The following GABRA4 variants were observed in gnomAD, a reference collection of about 807,000 sequenced individuals.
GABRA4 encodes the protein gamma-aminobutyric acid receptor subunit alpha-4.
GABRA4 carries 12 observed loss-of-function variants against 49.7 expected under a neutral mutation model. The observed-to-expected ratio is 0.24, with a 90% CI of 0.15 to 0.39. GABRA4 has a LOEUF of 0.39. Among genes scored for constraint, GABRA4 ranks in the 10% least tolerant of loss-of-function variants. The pLI, the probability that GABRA4 is intolerant of heterozygous loss-of-function variation, is 1.00. For synonymous variants in GABRA4, 288 were observed against 240.2 expected (o/e 1.20, Z -1.84); for missense variants, 506 against 686.0 (o/e 0.74, Z 2.93).
intron 5 of GABRA4, among the ~76,000 whole-genome samples, chr4:46,975,825 T>A (rs1723122690): frequency 2.0e-5 from 3 of 152,084 alleles, no homozygotes; most frequent in Admixed American, 2.0e-4. Context: ...CCCAATGAGA[T>A]CACCCTGTCT....
chr4:46,933,726 G>A (rs938346459), intron 8 of GABRA4, among the ~76,000 whole-genome samples: 3 of 152,144 alleles, frequency 2.0e-5, no homozygotes, highest in African/African-American at 4.8e-5. Context: ...GTTGTGTTTC[G>A]TACAGAGTGT....
At chr4:46,992,595 G>A (rs1723796440) in intron 2 of GABRA4, 2 of 535,752 alleles carry the variant, frequency 3.7e-6, no homozygotes, top group South Asian at 5.3e-5. Flanking sequence ...TCAGGTCCCG[G>A]GAGGTAATTA....
intron 8 of GABRA4, among the ~76,000 whole-genome samples, chr4:46,949,789 A>G (rs2109356363): frequency 6.6e-6 from 1 of 152,266 alleles, no homozygotes; most frequent in South Asian, 2.1e-4. Context: ...TTCATAAGAA[A>G]CACTGTGGGA....
intron 8 of GABRA4, among the ~76,000 whole-genome samples, chr4:46,956,146 AT>A: frequency 6.6e-6 from 1 of 152,120 alleles, no homozygotes; most frequent in South Asian, 2.1e-4. Flanking sequence ...CCTAAAGAGC[AT>A]TACTAATTAC....
intron 5 of GABRA4, 27 bp downstream of exon 5, chr4:46,977,034 T>A (rs543747724): frequency 3.5e-6 from 5 of 1,409,328 alleles, no homozygotes; most frequent in Admixed American, 1.7e-5. Flanking sequence ...AATCATAAAT[T>A]CTAGCAAAAT....
intron 3 of GABRA4, among the ~76,000 whole-genome samples, chr4:46,978,687 CAAAAAAAAAAA>C (rs71193889): frequency 3.2e-4 from 7 of 21,662 alleles, no homozygotes; most frequent in East Asian, 2.1e-3. Context: ...AACTTCATCT[CAAAAAAAAAAA>C]AAAAAAAAAA....
intron 2 of GABRA4, among the ~76,000 whole-genome samples, chr4:46,984,969 G>A (rs1723482783): frequency 6.6e-6 from 1 of 151,888 alleles, no homozygotes. Context: ...TTTACAGCAG[G>A]AAATTTGGGC....
At chr4:46,928,776 A>G (rs747255987) in intron 8 of GABRA4, 21 bp from the exon 9 acceptor site, 1 of 1,524,564 alleles carries the variant, frequency 6.6e-7, no homozygotes, top group African/African-American at 1.4e-5. Flanking sequence ...ATATGAAAAA[A>G]TATATTGGTT....
intron 7 of GABRA4, among the ~76,000 whole-genome samples, chr4:46,967,784 A>T (rs1289208882): frequency 6.6e-6 from 1 of 151,688 alleles, no homozygotes; most frequent in Non-Finnish European, 1.5e-5. Flanking sequence ...CTGAATATGC[A>T]CCATATTGGC....
At chr4:46,929,353 CAT>C (rs1481966280) in intron 8 of GABRA4, among the ~76,000 whole-genome samples, 2 of 151,940 alleles carry the variant, frequency 1.3e-5, no homozygotes, top group African/African-American at 4.8e-5. Flanking sequence ...ATAATACTGA[CAT>C]ATTTTATTTT....
chr4:46,932,377 C>T (rs993196833), intron 8 of GABRA4, among the ~76,000 whole-genome samples: 1 of 152,110 alleles, frequency 6.6e-6, no homozygotes, highest in Non-Finnish European at 1.5e-5. Flanking sequence ...TCTGTTCTGC[C>T]TCACTGTAGA....
Position 46,919,912 on chromosome 4 carries a change from A to G in GABRA4, c.*8313T>C, listed in dbSNP as rs1720911982. ...AAACCGGATTCTCATTCAATTTACA[A>G]TGAAGCTCCCTCAAAATCATATAAC... On this transcript the variant is annotated 3_prime_UTR_variant, in exon 9 of 9. Coordinates refer to ENST00000264318, the MANE Select transcript of GABRA4 (RefSeq NM_000809.4). The G allele has an allele frequency of 6.6e-6, 1 of 151,646 alleles. No homozygotes were observed. Among genetic ancestry groups the G allele is most frequent in the East Asian group, 1.9e-4 (1 of 5,184 alleles). The allele number at this position is 151,646 out of a possible 1,614,324, so 9.4% of individuals were successfully genotyped here.
At chr4:46,987,842 C>G (rs57314699) in intron 2 of GABRA4, among the ~76,000 whole-genome samples, 16,124 of 152,094 alleles carry the variant, frequency 0.11, 934 homozygotes, top group South Asian at 0.19. Context: ...TTCACTCTAA[C>G]TCAAACCATG....
chr4:46,979,807 C>T (rs937207723), intron 2 of GABRA4, among the ~76,000 whole-genome samples: 5 of 152,100 alleles, frequency 3.3e-5, no homozygotes, highest in Non-Finnish European at 4.4e-5. Flanking sequence ...GTACTCATTC[C>T]ATGTGAGGTT....
Position 46,927,151 on chromosome 4 carries a change from T to C in GABRA4, c.*1074A>G, listed in dbSNP as rs1721258698. 6.6e-6 allele frequency: 1 copy of C among 152,114 alleles called. No homozygotes were observed. The highest frequency in any genetic ancestry group is 1.5e-5 in the Non-Finnish European group (1 of 67,954). The allele number at this position is 152,114 out of a possible 1,614,324, so 9.4% of individuals were successfully genotyped here. A position where few individuals can be genotyped will look rare whatever the true frequency, so the allele number is the denominator to read the frequency against. ...GATCAAATTTGCGACAGTTAATCTA[T>C]TAAGTCTTATATTGCCCTGATTTTT... On this transcript the variant is annotated 3_prime_UTR_variant, in exon 9 of 9. Coordinates refer to ENST00000264318, the MANE Select transcript of GABRA4 (RefSeq NM_000809.4).
intron 2 of GABRA4, among the ~76,000 whole-genome samples, chr4:46,982,714 G>A (rs1231919532): frequency 6.6e-6 from 1 of 152,074 alleles, no homozygotes; most frequent in Non-Finnish European, 1.5e-5. Flanking sequence ...AGGGTTTGAA[G>A]TAAGGGAGTT....
intron 7 of GABRA4, among the ~76,000 whole-genome samples, chr4:46,969,062 T>C (rs1219638254): frequency 1.3e-5 from 2 of 151,602 alleles, no homozygotes; most frequent in African/African-American, 4.8e-5. Context: ...GTAAGTGCAA[T>C]CATTCATCCT....
In GABRA4 at chr4:46,923,391, A is replaced by C. The variant is rs955139269; in HGVS notation, c.*4834T>G. On this transcript the variant is annotated 3_prime_UTR_variant, in exon 9 of 9. Transcript: ENST00000264318. ...TATTTAATGGCAGCATGTATGTCAT[A>C]TTGGCTTCTACATTTATAAAACTCT... 1 of 152,112 alleles carries C rather than the reference A, an allele frequency of 6.6e-6. No individual in the cohort carries two copies. The highest frequency in any genetic ancestry group is 1.5e-5 in the Non-Finnish European group (1 of 68,010). 9.4% of individuals were successfully genotyped at this position (152,112 alleles called of 1,614,324 possible). A position where few individuals can be genotyped will look rare whatever the true frequency, so the allele number is the denominator to read the frequency against.
chr4:46,968,239 C>A (rs566497063), intron 7 of GABRA4, among the ~76,000 whole-genome samples: 172 of 151,586 alleles, frequency 1.1e-3, no homozygotes, highest in African/African-American at 3.9e-3. Context: ...CCTTCATAGG[C>A]CCTCAATGAT....
Sources: gnomAD v4.1 joint callset for allele counts (sites outside exome capture counted in the v4.1 genomes callset) on GRCh38, gnomAD v4.1.1 for gene constraint, MANE v1.5 for transcripts, NCBI Gene and HGNC (gene_info 2026-07-23, HGNC 2026-07-21) for gene names.